Variants in BNC2 observed in about 807,000 individuals in gnomAD.
The protein encoded by BNC2 is basonuclin zinc finger protein 2.
A neutral mutation model predicts 76.3 loss-of-function variants in BNC2; 20 were observed. That is an observed-to-expected ratio of 0.26 (90% CI 0.18 to 0.38). The LOEUF is 0.38. Among genes scored for constraint, BNC2 ranks in the 10% least tolerant of loss-of-function variants. The pLI is 1.00. For synonymous variants in BNC2, 582 were observed against 514.8 expected (o/e 1.13, Z -1.77); for missense variants, 1,382 against 1,399.8 (o/e 0.99, Z 0.20).
intron 3 of BNC2, among the ~76,000 whole-genome samples, chr9:16,617,338 C>T (rs1385532845): frequency 6.6e-6 from 1 of 152,052 alleles, no homozygotes; most frequent in Non-Finnish European, 1.5e-5. Context: ...TTGAAAACAT[C>T]ATTCTATGAC....
intron 3 of BNC2, among the ~76,000 whole-genome samples, chr9:16,645,962 A>G (rs1276219130): frequency 6.6e-6 from 1 of 152,190 alleles, no homozygotes; most frequent in Admixed American, 6.5e-5. Context: ...GAAAATACAC[A>G]TCAGGAGACG....
At chr9:16,723,160 T>C (rs1824213711) in intron 3 of BNC2, among the ~76,000 whole-genome samples, 1 of 152,102 alleles carries the variant, frequency 6.6e-6, no homozygotes, top group Non-Finnish European at 1.5e-5. Context: ...TTAATCCTTT[T>C]TTAGTAAGAC....
chr9:16,526,261 T>A (rs1817796712), intron 5 of BNC2, among the ~76,000 whole-genome samples: 1 of 152,116 alleles, frequency 6.6e-6, no homozygotes, highest in Non-Finnish European at 1.5e-5. Flanking sequence ...TATGGTATTT[T>A]TCTGGGTATT....
intron 4 of BNC2, among the ~76,000 whole-genome samples, chr9:16,561,252 C>A (rs1191153513): frequency 2.6e-4 from 38 of 147,324 alleles, no homozygotes; most frequent in East Asian, 4.0e-4. Flanking sequence ...AAAAAAAAAA[C>A]AAAACCCACA....
At chr9:16,600,053 A>C (rs1820203177) in intron 3 of BNC2, among the ~76,000 whole-genome samples, 1 of 152,222 alleles carries the variant, frequency 6.6e-6, no homozygotes, top group African/African-American at 2.4e-5. Context: ...AGAAACCTAT[A>C]TCTAGACTAC....
At chr9:16,763,310 G>A (rs141621953) in intron 1 of BNC2, among the ~76,000 whole-genome samples, 1 of 152,150 alleles carries the variant, frequency 6.6e-6, no homozygotes, top group African/African-American at 2.4e-5. Context: ...TGGCTCACAC[G>A]TATATTCCCA....
At chr9:16,619,326 TAAAAACA>T (rs146348026) in intron 3 of BNC2, among the ~76,000 whole-genome samples, 1 of 146,616 alleles carries the variant, frequency 6.8e-6, no homozygotes. Flanking sequence ...TAGTTTTCTT[TAAAAACA>T]AAAAACAAAA....
chr9:16,422,823 G>C (rs1820735370), intron 6 of BNC2, among the ~76,000 whole-genome samples: 1 of 152,188 alleles, frequency 6.6e-6, no homozygotes, highest in Non-Finnish European at 1.5e-5. Flanking sequence ...TTTTAACAAA[G>C]ACCTATTGTT....
rs754961602 is a variant in BNC2 at position 16,435,719 on chromosome 9, G to A, written c.2475C>T (p.Asp825=). Residue 825 remains aspartate, a synonymous_variant, in exon 6 of 7, where the codon GAC becomes GAT. Transcript: ENST00000380672. ...GSPQKFSPEG[D]LCSSPDPKIC... ...TTTTGGGGTCTGGGCTAGAACATAG[G>A]TCACCTTCTGGGGAGAACTTTTGAG... 3.1e-6 allele frequency: 5 copies of A among 1,614,020 alleles called. No homozygotes were observed. The Admixed American group carries it at 8.3e-5, about 27-fold the overall frequency.
chr9:16,694,051 G>A (rs911316125), intron 3 of BNC2, among the ~76,000 whole-genome samples: 3 of 152,046 alleles, frequency 2.0e-5, no homozygotes, highest in African/African-American at 4.8e-5. Context: ...GCTTTATTTT[G>A]GGGGGAGGGT....
chr9:16,501,924 T>C (rs954203461), intron 5 of BNC2, among the ~76,000 whole-genome samples: 1 of 152,226 alleles, frequency 6.6e-6, no homozygotes, highest in Non-Finnish European at 1.5e-5. Flanking sequence ...TGACTAAGCC[T>C]GGGGAATACC....
At chr9:16,748,922 C>CTATATATATATATATATATATATATATA (rs34314862) in intron 1 of BNC2, among the ~76,000 whole-genome samples, 1 of 130,572 alleles carries the variant, frequency 7.7e-6, no homozygotes, top group African/African-American at 3.1e-5. Context: ...ACTTTTTATA[C>CTATATATATATATATATATATATATATA]TATATATATA....
chr9:16,455,405 T>C (rs898104465), intron 5 of BNC2, among the ~76,000 whole-genome samples: 4 of 152,190 alleles, frequency 2.6e-5, no homozygotes, highest in African/African-American at 9.7e-5. Flanking sequence ...GGAGCTCTGC[T>C]CCTATACCAA....
chr9:16,737,258 TTTTTC>T (rs1298152346), intron 2 of BNC2, among the ~76,000 whole-genome samples: 18 of 143,558 alleles, frequency 1.3e-4, no homozygotes, highest in African/African-American at 4.7e-4. Flanking sequence ...TTTTTTTTTT[TTTTTC>T]TTTTTTTGAG....
At chr9:16,472,857 G>A (rs530032500) in intron 5 of BNC2, among the ~76,000 whole-genome samples, 8 of 152,190 alleles carry the variant, frequency 5.3e-5, no homozygotes, top group East Asian at 1.9e-4. Context: ...TTTGTGGATC[G>A]TGCCAACAGG....
intron 5 of BNC2, among the ~76,000 whole-genome samples, chr9:16,455,547 T>C (rs1821429301): frequency 6.6e-6 from 1 of 152,176 alleles, no homozygotes; most frequent in Admixed American, 6.5e-5. Context: ...TCTCAGCACT[T>C]TGGGAGGCCA....
chr9:16,521,491 G>C (rs1171150458), intron 5 of BNC2, among the ~76,000 whole-genome samples: 1 of 152,184 alleles, frequency 6.6e-6, no homozygotes, highest in Non-Finnish European at 1.5e-5. Context: ...GGTAAAACGT[G>C]AATGGTTTAC....
At chr9:16,536,293 G>A (rs1818128188) in intron 5 of BNC2, among the ~76,000 whole-genome samples, 1 of 152,010 alleles carries the variant, frequency 6.6e-6, no homozygotes, top group Non-Finnish European at 1.5e-5. Flanking sequence ...TTTGTTAAAG[G>A]CATGCAACAT....
intron 1 of BNC2, among the ~76,000 whole-genome samples, chr9:16,820,146 C>G (rs1479454794): frequency 1.8e-5 from 2 of 114,176 alleles, no homozygotes; most frequent in East Asian, 2.6e-4. Context: ...AAAAAAAGGG[C>G]TGGGCGTGGT....
Sources: allele counts gnomAD v4.1 joint callset (sites outside exome capture counted in the v4.1 genomes callset), GRCh38; gene constraint gnomAD v4.1.1; transcripts MANE v1.5; gene names NCBI Gene and HGNC (gene_info 2026-07-23, HGNC 2026-07-21).